CDC42BPA: variants seen among roughly 807,000 people sequenced by gnomAD.
The protein encoded by CDC42BPA is CDC42 binding protein kinase alpha, also known as serine/threonine-protein kinase MRCK alpha.
Under a neutral mutation model 223.5 loss-of-function variants are expected in CDC42BPA, and 80 were observed. That is an observed-to-expected ratio of 0.36 (90% CI 0.30 to 0.43). The LOEUF (loss-of-function observed/expected upper bound fraction) is 0.43. CDC42BPA is among the 20% of genes least tolerant of loss of function. CDC42BPA has a pLI of 1.00. For synonymous variants in CDC42BPA, 694 were observed against 718.6 expected, an observed-to-expected ratio of 0.97 and a Z score of 0.55; for missense variants, 1,743 against 2,099.9, an observed-to-expected ratio of 0.83 and a Z score of 3.32.
intron 2 of CDC42BPA, among the ~76,000 whole-genome samples, chr1:227,215,102 C>T (rs1381504644): frequency 6.6e-6 from 1 of 152,134 alleles, no homozygotes; most frequent in South Asian, 2.1e-4. Flanking sequence ...CTGCTCCAAA[C>T]CCCAATGAGA....
rs1400809870 is a variant in CDC42BPA, at chr1:227,035,589, T to C, written c.3218A>G (p.His1073Arg). The change falls in exon 25 of 37, where the codon CAT becomes CGT. Residue 1073 changes from histidine to arginine, a missense_variant. His to Arg is a conservative substitution (Grantham distance 29). This residue lies in a region of CDC42BPA where 678 missense variants were observed against 777.5 expected (regional missense o/e 0.87). Transcript: ENST00000366766. ...CSCEVCGFSCHITCVNKAPTT... is the reference protein window; with the variant it reads ...CSCEVCGFSCRITCVNKAPTT... ...TGGAGCTTTGTTTACACAAGTTATA[T>C]GGCATGAGAATCCACACACTTTTAG... 1 of 1,593,862 alleles carries C rather than the reference T, an allele frequency of 6.3e-7. No homozygotes were observed. The highest frequency in any genetic ancestry group is 2.2e-5 in the East Asian group (1 of 44,598).
In CDC42BPA at chr1:227,016,907, AC is replaced by A. The variant is rs767964615; in HGVS notation, c.4739+19del. The A allele has an allele frequency of 1.6e-5, 26 of 1,605,218 alleles. No homozygotes were observed. The highest frequency in any genetic ancestry group is 2.2e-5 in the Non-Finnish European group (26 of 1,176,250). On this transcript the variant is annotated intron_variant, in intron 33 of 36. Coordinates refer to ENST00000366766, the MANE Select transcript of CDC42BPA (RefSeq NM_001394014.1). The stretch of plus-strand genomic sequence containing the variant: ...GATGGTACAAGCAAGCATGGATGAT[AC>A]TACAGGTTAAGTATCTACCTCCTCT...
chr1:227,218,604 C>G (rs566866912), intron 2 of CDC42BPA, among the ~76,000 whole-genome samples: 18 of 152,154 alleles, frequency 1.2e-4, no homozygotes, highest in Non-Finnish European at 1.5e-5. Context: ...AGTAATAGAA[C>G]CAGAATATGT....
Position 227,058,083 on chromosome 1 carries a change from T to C in CDC42BPA, c.2905-6098A>G, listed in dbSNP as rs186158820. Reference sequence around the variant, plus strand: ...GTAATCAACATATATTCAGATTCATTTGATAAATCCAAATATCTAATGGTT... The same window carrying C: ...GTAATCAACATATATTCAGATTCATCTGATAAATCCAAATATCTAATGGTT... On this transcript the variant is annotated intron_variant, in intron 21 of 36. Coordinates refer to ENST00000366766, the MANE Select transcript of CDC42BPA (RefSeq NM_001394014.1). Among the ~76,000 whole-genome samples, 21 of 152,334 alleles carry C rather than the reference T, an allele frequency of 1.4e-4. No individual in the cohort carries two copies. The East Asian group carries it at 3.7e-3, about 27-fold the overall frequency.
At position 227,317,667 on chromosome 1, in the gene CDC42BPA, A is replaced by AC; in HGVS notation, c.-486dup. ...GAAAAACAGAAAAGGGAGGAAAAAA[A>AC]CAGAATGCATAGAAGGGGGAGGGAA... On this transcript the variant is annotated 5_prime_UTR_variant, in exon 1 of 37. An upstream open reading frame in the 5' UTR loses its in-frame stop. Transcript: ENST00000366766. The AC allele has an allele frequency of 2.5e-6, 1 of 398,616 alleles. No homozygotes were observed. 24.7% of individuals were successfully genotyped at this position (398,616 alleles called of 1,614,324 possible). A position where few individuals can be genotyped will look rare whatever the true frequency, so the allele number is the denominator to read the frequency against.
At chr1:227,281,829 G>A (rs1688057559) in intron 1 of CDC42BPA, among the ~76,000 whole-genome samples, 1 of 152,158 alleles carries the variant, frequency 6.6e-6, no homozygotes, top group African/African-American at 2.4e-5. Context: ...AAAATGGGAA[G>A]GGGAAAACCT....
rs1264908401 is a variant in CDC42BPA at position 227,199,548 on chromosome 1, G to C, written c.450+9C>G. 2.1e-6 allele frequency: 3 copies of C among 1,453,984 alleles called. No homozygotes were observed. The Admixed American group carries it at 5.2e-5, about 25-fold the overall frequency. 90.1% of individuals were successfully genotyped at this position (1,453,984 alleles called of 1,614,324 possible). A position where few individuals can be genotyped will look rare whatever the true frequency, so the allele number is the denominator to read the frequency against. On this transcript the variant is annotated intron_variant, in intron 4 of 36. Coordinates refer to ENST00000366766, the MANE Select transcript of CDC42BPA (RefSeq NM_001394014.1). ...AAACAGTATATAGAAATACAAAAATGATTCTTACTAAGTTATTGTCATCCT... is the reference window on the plus strand; with the variant it reads ...AAACAGTATATAGAAATACAAAAATCATTCTTACTAAGTTATTGTCATCCT...
At position 227,030,391 on chromosome 1, in the gene CDC42BPA, A is replaced by G. The variant is rs750844331; in HGVS notation, c.3838+17T>C. The G allele has an allele frequency of 1.1e-5, 17 of 1,545,914 alleles. No individual in the cohort carries two copies. The highest frequency in any genetic ancestry group is 1.5e-5 in the Non-Finnish European group (17 of 1,136,794). On this transcript the variant is annotated intron_variant, in intron 29 of 36. Coordinates refer to ENST00000366766, the MANE Select transcript of CDC42BPA (RefSeq NM_001394014.1). The stretch of plus-strand genomic sequence containing the variant: ...CACGATTTAAAATTACTCCAAAAAA[A>G]AAAAGTTTTCTCTTACCATCTTTGG...
intron 15 of CDC42BPA, among the ~76,000 whole-genome samples, chr1:227,094,187 A>T (rs1683569794): frequency 6.6e-6 from 1 of 152,190 alleles, no homozygotes; most frequent in African/African-American, 2.4e-5. Context: ...TGAGAAAGAA[A>T]ATAAACTTTT....
intron 10 of CDC42BPA, among the ~76,000 whole-genome samples, chr1:227,135,787 G>C (rs1658375630): frequency 7.0e-6 from 1 of 142,654 alleles, no homozygotes; most frequent in East Asian, 2.0e-4. Context: ...CTGGGAGGCG[G>C]AGGTTGCAGT....
intron 2 of CDC42BPA, among the ~76,000 whole-genome samples, chr1:227,252,161 G>T (rs573343502): frequency 6.6e-6 from 1 of 151,814 alleles, no homozygotes; most frequent in East Asian, 1.9e-4. Context: ...ATATTATAAA[G>T]TGCAGAAATT....
chr1:227,036,963 G>C (rs952497259), intron 24 of CDC42BPA, among the ~76,000 whole-genome samples: 2 of 152,120 alleles, frequency 1.3e-5, no homozygotes, highest in East Asian at 3.9e-4. Flanking sequence ...GCTTCATAAA[G>C]TAGGCTTCAA....
intron 2 of CDC42BPA, among the ~76,000 whole-genome samples, chr1:227,228,257 T>G (rs1181811341): frequency 1.3e-5 from 2 of 152,248 alleles, no homozygotes; most frequent in African/African-American, 4.8e-5. Flanking sequence ...CTACAGATAT[T>G]TCATATAAAT....
intron 5 of CDC42BPA, among the ~76,000 whole-genome samples, chr1:227,175,764 A>T (rs79397411): frequency 0.011 from 1,739 of 152,274 alleles, 37 homozygotes; most frequent in African/African-American, 0.04. Context: ...GCTATTTGGC[A>T]TGACAAGACA....
intron 34 of CDC42BPA, among the ~76,000 whole-genome samples, chr1:227,015,812 C>T (rs1409280856): frequency 6.6e-6 from 1 of 152,126 alleles, no homozygotes; most frequent in Non-Finnish European, 1.5e-5. Flanking sequence ...TTTCTTCCAC[C>T]ACCAATAGTA....
chr1:227,147,640 A>G (rs907450369), intron 6 of CDC42BPA, 81 bp from the exon 7 acceptor site: 9 of 687,988 alleles, frequency 1.3e-5, no homozygotes, highest in Non-Finnish European at 2.1e-5. Context: ...CACAATAGAC[A>G]TTATTATCTC....
chr1:227,290,085 T>C (rs60742095), intron 1 of CDC42BPA, among the ~76,000 whole-genome samples: 22,809 of 152,094 alleles, frequency 0.15, 2,079 homozygotes, highest in African/African-American at 0.24. Context: ...CCACTGTCCA[T>C]AGAGTCAAAT....
intron 6 of CDC42BPA, among the ~76,000 whole-genome samples, chr1:227,150,445 A>C (rs1475244170): frequency 6.6e-6 from 1 of 152,176 alleles, no homozygotes; most frequent in Non-Finnish European, 1.5e-5. Context: ...GTACCTTCAA[A>C]GTGATAAGAA....
At chr1:227,075,510 TG>T (rs1347749701) in intron 17 of CDC42BPA, among the ~76,000 whole-genome samples, 1 of 152,160 alleles carries the variant, frequency 6.6e-6, no homozygotes, top group African/African-American at 2.4e-5. Flanking sequence ...AATAAAACCA[TG>T]GTAAGGGACA....
Sources: allele counts gnomAD v4.1 joint callset (sites outside exome capture counted in the v4.1 genomes callset), GRCh38; gene constraint gnomAD v4.1.1; regional missense constraint gnomAD v4.1.1; transcripts MANE v1.5; gene names NCBI Gene and HGNC (gene_info 2026-07-23, HGNC 2026-07-21).